Variants in APOB observed in about 807,000 individuals in gnomAD.
The protein encoded by APOB is apolipoprotein B.
In APOB, 153 loss-of-function variants were observed where a neutral mutation model predicts 314.1. That is an observed-to-expected ratio of 0.49 (90% CI 0.43 to 0.56). The LOEUF (loss-of-function observed/expected upper bound fraction) is 0.56, where lower values mean the gene tolerates loss of function less well. APOB is among the 20% of genes least tolerant of loss of function. The pLI is 0.00. For missense variants in APOB, 5,430 were observed against 5,350.7 expected (o/e 1.01, Z -0.46); for synonymous variants, 2,087 against 2,036.4 (o/e 1.02, Z -0.67).
chr2:21,017,002 T>G (rs942366950), intron 20 of APOB, among the ~76,000 whole-genome samples: 1 of 134,432 alleles, frequency 7.4e-6, no homozygotes, highest in African/African-American at 2.9e-5. Flanking sequence ...AATAAATAAA[T>G]AAATAAATAA....
chr2:21,039,025 A>AT (rs1214645864), intron 4 of APOB, among the ~76,000 whole-genome samples: 4 of 152,084 alleles, frequency 2.6e-5, no homozygotes, highest in East Asian at 1.9e-4. Context: ...CTCTTTCTGG[A>AT]TTTTTTTTAA....
At chr2:21,014,005 G>A (rs554808360) in intron 24 of APOB, among the ~76,000 whole-genome samples, 2 of 152,322 alleles carry the variant, frequency 1.3e-5, no homozygotes, top group South Asian at 2.1e-4. Context: ...GAGACAACTT[G>A]ATTTGTGGAA....
Position 21,035,627 on chromosome 2 carries a change from C to T in APOB, c.775G>A (p.Ala259Thr). Residue 259 changes from alanine to threonine, a missense_variant, in exon 7 of 29, where the codon GCC becomes ACC. This residue lies in a region of APOB where 2,085 missense variants were observed against 2,079.7 expected (regional missense o/e 1.00). Coordinates refer to ENST00000233242, the MANE Select transcript of APOB (RefSeq NM_000384.3). ...LDAKRKHVAE[A>T]ICKEQHLFLP... The stretch of plus-strand genomic sequence containing the variant: ...AAGAGGTGTTGCTCCTTGCAGATGG[C>T]TTCTGCCACATGCTTCCTCTTAGCG... The T allele has an allele frequency of 6.2e-7, 1 of 1,614,138 alleles. No homozygotes were observed. Among genetic ancestry groups the T allele is most frequent in the Non-Finnish European group, 8.5e-7 (1 of 1,180,046 alleles).
Position 21,012,410 on chromosome 2 carries a change from A to G in APOB, c.4458T>C (p.Ile1486=), listed in dbSNP as rs1297846198. 3 of 1,614,210 alleles carry G rather than the reference A, an allele frequency of 1.9e-6. No homozygotes were observed. In the South Asian group the frequency reaches 3.3e-5, roughly 18 times the overall value. The change falls in exon 26 of 29, where the codon ATT becomes ATC. Residue 1486 remains isoleucine, a synonymous_variant. Transcript: ENST00000233242. ...KQHLFVKEVK[I]DGQFRVSSFY... ...ACGAAGAGACTCTGAACTGCCCATC[A>G]ATCTTGACTTCTTTGACAAACAAAT... is the stretch of plus-strand genomic sequence containing the variant.
At chr2:21,018,775 G>T (rs1163702007) in intron 20 of APOB, among the ~76,000 whole-genome samples, 1 of 152,126 alleles carries the variant, frequency 6.6e-6, no homozygotes, top group African/African-American at 2.4e-5. Flanking sequence ...TTCCATGAAG[G>T]CAGAGACTCC....
intron 10 of APOB, among the ~76,000 whole-genome samples, chr2:21,030,943 C>T (rs1663862541): frequency 6.6e-6 from 1 of 151,970 alleles, no homozygotes; most frequent in African/African-American, 2.4e-5. Context: ...ATTCAAAAGA[C>T]AAAAAATAAC....
intron 17 of APOB, 64 bp downstream of exon 17, chr2:21,023,461 A>T: frequency 6.4e-7 from 1 of 1,568,362 alleles, no homozygotes; most frequent in Non-Finnish European, 8.8e-7. Flanking sequence ...AATATGTTTT[A>T]ACAAGAAATG....
Position 21,011,455 on chromosome 2 carries a change from C to A in APOB, c.5413G>T (p.Ala1805Ser). The A allele has an allele frequency of 6.2e-7, 1 of 1,614,150 alleles. No individual in the cohort carries two copies. The highest frequency in any genetic ancestry group is 1.3e-5 in the African/African-American group (1 of 75,038). The change falls in exon 26 of 29, where the codon GCT (alanine) becomes TCT (serine). Residue 1805 changes from alanine to serine, a missense_variant. Ala to Ser is a moderately conservative substitution (Grantham distance 99). Around this residue, in one of 3 missense-constraint regions of APOB, gnomAD observed 64 missense variants for 99.9 expected, o/e 0.64. Coordinates refer to ENST00000233242, the MANE Select transcript of APOB (RefSeq NM_000384.3). ...TTLNSDLKYN[A>S]LDLTNNGKLR... The stretch of plus-strand genomic sequence containing the variant: ...TTCCCATTGTTGGTGAGATCCAGAG[C>A]ATTGTATTTCAGGTCACTGTTTAAA...
chr2:21,006,848 A>G lies in APOB; in HGVS notation c.10020T>C (p.Asp3340=). ...TGATGACACTTGATTTAAAGGAGAA[A>G]TCATAGGTAATATTGCCCATGGCAG... The part of the protein sequence containing the change: ...FIPAMGNITY[D]FSFKSSVITL... Residue 3340 remains aspartate, a synonymous_variant, in exon 26 of 29, where the codon GAT becomes GAC. Transcript: ENST00000233242. 6.2e-7 allele frequency: 1 copy of G among 1,614,120 alleles called. No homozygotes were observed. The highest frequency in any genetic ancestry group is 8.5e-7 in the Non-Finnish European group (1 of 1,179,970).
intron 20 of APOB, 27 bp downstream of exon 20, chr2:21,018,965 T>G: frequency 1.9e-6 from 3 of 1,613,928 alleles, no homozygotes; most frequent in Non-Finnish European, 2.5e-6. Flanking sequence ...CGAGCAGAGA[T>G]GAGGCAGCTG....
At chr2:21,028,097 A>T in intron 13 of APOB, 32 bp from the exon 14 acceptor site, 1 of 1,452,034 alleles carries the variant, frequency 6.9e-7, no homozygotes, top group Non-Finnish European at 9.7e-7. Context: ...TTGAGCTGAC[A>T]CACCATGTTA....
At chr2:21,003,867 C>T (rs185462710) in intron 28 of APOB, among the ~76,000 whole-genome samples, 1 of 152,242 alleles carries the variant, frequency 6.6e-6, no homozygotes, top group East Asian at 1.9e-4. Context: ...TTGTAAATGA[C>T]ATGAGAGGAA....
rs1472134811 is a variant in APOB, at chr2:21,043,975, T to C, written c.-30A>G. The C allele has an allele frequency of 8.5e-7, 1 of 1,173,648 alleles. No homozygotes were observed. The highest frequency in any genetic ancestry group is 3.2e-5 in the South Asian group (1 of 31,232). The allele number at this position is 1,173,648 out of a possible 1,614,324, so 72.7% of individuals were successfully genotyped here. On this transcript the variant is annotated 5_prime_UTR_variant, in exon 1 of 29. Transcript: ENST00000233242. ...AGCTGCGGTGGGGCGGCTCCTGGGCTGCGGCCTGGCCTCGGCCTCGCGGCC... is the reference window on the plus strand; with the variant it reads ...AGCTGCGGTGGGGCGGCTCCTGGGCCGCGGCCTGGCCTCGGCCTCGCGGCC...
rs1553385404 is a variant in APOB, at chr2:21,022,860, TG to T, written c.2786del (p.Pro929GlnfsTer24). Reference sequence around the variant, plus strand: ...CACTGAGCAGCTTGACTGGTCTCTTTGGGGAAGGAATGATAAACTTCAGCTT... The same window carrying T: ...CACTGAGCAGCTTGACTGGTCTCTTTGGGAAGGAATGATAAACTTCAGCTT... ...AGKLKFIIPSPKRPVKLLSGG... is the reference protein window; with the variant it reads ...AGKLKFIIPSXKRPVKLLSGG... On this transcript the variant is annotated frameshift_variant, in exon 18 of 29. Coordinates refer to ENST00000233242, the MANE Select transcript of APOB (RefSeq NM_000384.3). LOFTEE classifies it high-confidence loss of function. 1 of 1,614,184 alleles carries T rather than the reference TG, an allele frequency of 6.2e-7. No homozygotes were observed. Among genetic ancestry groups the T allele is most frequent in the Non-Finnish European group, 8.5e-7 (1 of 1,180,026 alleles).
Position 21,007,423 on chromosome 2 carries a change from C to T in APOB, c.9445G>A (p.Asp3149Asn), listed in dbSNP as rs759354804. ...CCTGTTTTTTCCCATAGAGAGAAAT[C>T]TTTCAGTGGAGGAGTTGTGATTATT... ...YTIITTPPLK[D>N]FSLWEKTGLK... The change falls in exon 26 of 29, where the codon GAT becomes AAT. Residue 3149 changes from aspartate to asparagine, a missense_variant. This residue lies in a region of APOB where 3,281 missense variants were observed against 3,171.0 expected (regional missense o/e 1.03). Transcript: ENST00000233242. The T allele has an allele frequency of 1.2e-5, 19 of 1,613,852 alleles. No homozygotes were observed. The highest frequency in any genetic ancestry group is 1.7e-5 in the Admixed American group (1 of 59,976).
chr2:21,030,444 A>G (rs556152714), intron 10 of APOB, among the ~76,000 whole-genome samples: 68 of 152,230 alleles, frequency 4.5e-4, no homozygotes, highest in Non-Finnish European at 6.8e-4. Context: ...CATATAAAAA[A>G]ATCAACTCAA....
In APOB at chr2:21,009,541, T is replaced by A; in HGVS notation, c.7327A>T (p.Ile2443Phe). Residue 2443 changes from isoleucine (I) to phenylalanine (F), a missense_variant, in exon 26 of 29, where the codon ATC (isoleucine) becomes TTC (phenylalanine). Ile to Phe is a conservative substitution (Grantham distance 21). Coordinates refer to ENST00000233242, the MANE Select transcript of APOB (RefSeq NM_000384.3). ...TTGAGTCTCTGAGTCACCTCACGGATTTTGTCATTGGTTTCATCTACAAAC... is the reference window on the plus strand; with the variant it reads ...TTGAGTCTCTGAGTCACCTCACGGAATTTGTCATTGGTTTCATCTACAAAC... ...HQFVDETNDKIREVTQRLNGE... is the reference protein window; with the variant it reads ...HQFVDETNDKFREVTQRLNGE... 1 of 1,614,078 alleles carries A rather than the reference T, an allele frequency of 6.2e-7. No individual in the cohort carries two copies. Among genetic ancestry groups the A allele is most frequent in the Non-Finnish European group, 8.5e-7 (1 of 1,179,964 alleles).
chr2:21,030,761 C>T (rs1361157018), intron 10 of APOB, among the ~76,000 whole-genome samples: 2 of 151,876 alleles, frequency 1.3e-5, no homozygotes, highest in Admixed American at 6.6e-5. Context: ...AAAAAATCCC[C>T]CAAATAATCC....
intron 28 of APOB, among the ~76,000 whole-genome samples, chr2:21,003,949 C>A (rs1426803362): frequency 6.6e-6 from 1 of 152,122 alleles, no homozygotes; most frequent in African/African-American, 2.4e-5. Context: ...AGAAACCAGT[C>A]CTCTCTGAAA....
Sources: gnomAD v4.1 joint callset for allele counts (sites outside exome capture counted in the v4.1 genomes callset) on GRCh38, gnomAD v4.1.1 for gene constraint, gnomAD v4.1.1 regional missense constraint, MANE v1.5 for transcripts, NCBI Gene and HGNC (gene_info 2026-07-23, HGNC 2026-07-21) for gene names.